The following CD3G variants were observed in gnomAD, a reference collection of about 807,000 sequenced individuals.
CD3G encodes CD3 gamma subunit of T-cell receptor complex.
CD3G carries 24 observed loss-of-function variants against 28.3 expected under a neutral mutation model. That is an observed-to-expected ratio of 0.85 (90% confidence interval 0.61 to 1.19). The LOEUF is 1.19. Ranked by LOEUF, CD3G falls within the 50% of genes most tolerant of loss-of-function variation. The probability of loss-of-function intolerance (pLI) is 0.00; values close to 1 mark genes in which losing one functional copy is unlikely to be tolerated. For synonymous variants in CD3G, 71 were observed against 75.9 expected (o/e 0.93, Z 0.34); for missense variants, 211 against 210.0 (o/e 1.00, Z -0.03).
intron 1 of CD3G, among the ~76,000 whole-genome samples, chr11:118,348,736 T>C (rs1293722641): frequency 6.6e-6 from 1 of 152,202 alleles, no homozygotes; most frequent in Non-Finnish European, 1.5e-5. Flanking sequence ...AACTCAGGTA[T>C]GGTCTAAGGA....
At chr11:118,346,612 T>G (rs182463466) in intron 1 of CD3G, among the ~76,000 whole-genome samples, 4 of 152,052 alleles carry the variant, frequency 2.6e-5, no homozygotes, top group Admixed American at 2.0e-4. Context: ...GCCCAGGAGT[T>G]CAAGACCAAC....
chr11:118,346,818 T>G, intron 1 of CD3G, among the ~76,000 whole-genome samples: 3 of 129,894 alleles, frequency 2.3e-5, no homozygotes, highest in Non-Finnish European at 3.3e-5. Flanking sequence ...AAAAAAAAGA[T>G]GTCTCAAAAA....
At chr11:118,351,105 A>G (rs916223877) in intron 4 of CD3G, among the ~76,000 whole-genome samples, 13 of 148,914 alleles carry the variant, frequency 8.7e-5, no homozygotes, top group African/African-American at 1.7e-4. Flanking sequence ...GGAGAATGGC[A>G]TGAACCCGGG....
chr11:118,345,212 A>T (rs942410417), intron 1 of CD3G, among the ~76,000 whole-genome samples: 1 of 152,186 alleles, frequency 6.6e-6, no homozygotes, highest in Non-Finnish European at 1.5e-5. Flanking sequence ...GAGAAAAAAA[A>T]ACATTCCAGG....
intron 1 of CD3G, 94 bp downstream of exon 1, chr11:118,344,572 A>G: frequency 1.9e-6 from 2 of 1,069,044 alleles, no homozygotes; most frequent in South Asian, 2.7e-5. Flanking sequence ...CCTAACCTTC[A>G]GCCTACCTCT....
At chr11:118,349,210 T>C in intron 2 of CD3G, 160 bp downstream of exon 2, 1 of 1,582,910 alleles carries the variant, frequency 6.3e-7, no homozygotes, top group Non-Finnish European at 8.6e-7. Context: ...TGACCTGACA[T>C]AACCTGTTCC....
rs189414596 is a variant in CD3G at position 118,352,343 on chromosome 11, T to C, written c.484-61T>C. The C allele has an allele frequency of 2.6e-3, 3,470 of 1,320,880 alleles. 15 individuals carry two copies. Among genetic ancestry groups the C allele is most frequent in the Non-Finnish European group, 2.9e-3 (2,639 of 912,832 alleles). The allele number at this position is 1,320,880 out of a possible 1,614,324, so 81.8% of individuals were successfully genotyped here. On this transcript the variant is annotated intron_variant, in intron 5 of 6. Coordinates refer to ENST00000532917, the MANE Select transcript of CD3G (RefSeq NM_000073.3). Reference sequence around the variant, plus strand: ...ACATATAAAAAACATTCAATAAACATGCATCAAATTAATTAATAGAGGATG... The same window carrying C: ...ACATATAAAAAACATTCAATAAACACGCATCAAATTAATTAATAGAGGATG...
intron 1 of CD3G, among the ~76,000 whole-genome samples, chr11:118,346,093 T>C (rs963767361): frequency 3.9e-5 from 6 of 152,172 alleles, no homozygotes; most frequent in African/African-American, 1.2e-4. Flanking sequence ...CTATGTGTAC[T>C]TGAACAACTC....
rs879110341 is a variant in CD3G at position 118,344,589 on chromosome 11, A to T, written c.55+111A>T. 4 of 946,146 alleles carry T rather than the reference A, an allele frequency of 4.2e-6. No individual in the cohort carries two copies. In the South Asian group the frequency reaches 5.6e-5, roughly 13 times the overall value. The allele number at this position is 946,146 out of a possible 1,614,324, so 58.6% of individuals were successfully genotyped here. On this transcript the variant is annotated intron_variant, in intron 1 of 6. Transcript: ENST00000532917. ...TAACCTTCAGCCTACCTCTGCTGTC[A>T]CCTTAGAGTTCAAAGAAGGGCAAAA...
intron 1 of CD3G, among the ~76,000 whole-genome samples, chr11:118,344,733 C>T (rs896823039): frequency 1.3e-5 from 2 of 152,196 alleles, no homozygotes; most frequent in African/African-American, 2.4e-5. Flanking sequence ...ACCCTGTTAC[C>T]GCCATCTTAG....
intron 4 of CD3G, among the ~76,000 whole-genome samples, 165 bp from the exon 5 acceptor site, chr11:118,351,463 T>C (rs1302400152): frequency 6.6e-6 from 1 of 152,224 alleles, no homozygotes; most frequent in Non-Finnish European, 1.5e-5. Flanking sequence ...ATATACTAAG[T>C]ATTCTTGTGA....
In CD3G at chr11:118,350,532, G is replaced by A; in HGVS notation, c.308-20G>A. ...AACAACTTTCGCAACCTGAAGGTTT[G>A]TCTCTCCTTTTCCCTACAGTGTGTC... On this transcript the variant is annotated intron_variant, in intron 3 of 6. Coordinates refer to ENST00000532917, the MANE Select transcript of CD3G (RefSeq NM_000073.3). The A allele has an allele frequency of 6.3e-7, 1 of 1,590,260 alleles. No homozygotes were observed. The highest frequency in any genetic ancestry group is 1.3e-5 in the African/African-American group (1 of 74,566).
intron 5 of CD3G, among the ~76,000 whole-genome samples, chr11:118,351,967 C>A (rs1247992402): frequency 6.6e-6 from 1 of 152,156 alleles, no homozygotes; most frequent in Non-Finnish European, 1.5e-5. Flanking sequence ...AATCCCAGCA[C>A]TTTGGGAAGC....
intron 1 of CD3G, among the ~76,000 whole-genome samples, chr11:118,345,530 G>C (rs1319302069): frequency 2.6e-5 from 4 of 152,268 alleles, no homozygotes; most frequent in Admixed American, 6.5e-5. Flanking sequence ...ATTTGGATGA[G>C]GAGGGAGAAA....
At chr11:118,352,226 AAG>A (rs1183388866) in intron 5 of CD3G, among the ~76,000 whole-genome samples, 176 bp from the exon 6 acceptor site, 1 of 151,792 alleles carries the variant, frequency 6.6e-6, no homozygotes, top group Non-Finnish European at 1.5e-5. Context: ...AAAAAAAAAA[AAG>A]AGAGAGAGAG....
intron 6 of CD3G, 87 bp downstream of exon 6, chr11:118,352,574 C>T (rs899464420): frequency 1.2e-5 from 11 of 908,744 alleles, no homozygotes; most frequent in East Asian, 2.4e-5. Context: ...CTTCCCTAAG[C>T]GGCTATAAGC....
intron 1 of CD3G, among the ~76,000 whole-genome samples, chr11:118,345,737 G>C (rs962853473): frequency 1.3e-5 from 2 of 152,134 alleles, no homozygotes; most frequent in Non-Finnish European, 2.9e-5. Context: ...CTAAGACCAG[G>C]AGAAAGGAAG....
In CD3G at chr11:118,352,416, C is replaced by A. The variant is rs201529449; in HGVS notation, c.496C>A (p.Arg166=). 5,418 of 1,613,836 alleles carry A rather than the reference C, an allele frequency of 3.4e-3. 198 individuals carry two copies. The South Asian group carries it at 0.056, about 17-fold the overall frequency. ...CTGTCCTTTCCAGCCCCTCAAGGAT[C>A]GAGAAGATGACCAGTACAGCCACCT... ...NDQLYQPLKD[R]EDDQYSHLQG... The change falls in exon 6 of 7, where the codon CGA becomes AGA. Residue 166 remains arginine (R), a synonymous_variant. Coordinates refer to ENST00000532917, the MANE Select transcript of CD3G (RefSeq NM_000073.3).
chr11:118,353,467 C>A lies in CD3G; in HGVS notation c.*367C>A, dbSNP rs200208755. 2 of 151,564 alleles carry A rather than the reference C, an allele frequency of 1.3e-5. No homozygotes were observed. The highest frequency in any genetic ancestry group is 6.6e-5 in the Admixed American group (1 of 15,162). 9.4% of individuals were successfully genotyped at this position (151,564 alleles called of 1,614,324 possible). A position where few individuals can be genotyped will look rare whatever the true frequency, so the allele number is the denominator to read the frequency against. On this transcript the variant is annotated 3_prime_UTR_variant, in exon 7 of 7. Transcript: ENST00000532917. ...TATTCAGTGAAAGCTCTCCCTCCAC[C>A]GCCATCCCCTGCTACCCAGTGACCC...
Sources: gnomAD v4.1 joint callset for allele counts (sites outside exome capture counted in the v4.1 genomes callset) on GRCh38, gnomAD v4.1.1 for gene constraint, MANE v1.5 for transcripts, NCBI Gene and HGNC (gene_info 2026-07-23, HGNC 2026-07-21) for gene names.